Variants in GPC3 observed in about 807,000 individuals in gnomAD.
GPC3 encodes glypican-3.
A neutral mutation model predicts 34.4 loss-of-function variants in GPC3; 3 were observed. That is an observed-to-expected ratio of 0.09 (90% CI 0.04 to 0.23). GPC3 has a LOEUF of 0.23. Ranked by LOEUF, GPC3 falls within the 10% of genes least tolerant of loss-of-function variation. The pLI is 1.00. For missense variants in GPC3, 351 were observed against 445.6 expected (o/e 0.79, Z 1.91); for synonymous variants, 177 against 174.0 (o/e 1.02, Z -0.13).
chrX:133,736,570 AC>A (rs1244044587), intron 3 of GPC3, among the ~76,000 whole-genome samples: 1 of 112,623 alleles, frequency 8.9e-6, no homozygotes, highest in Non-Finnish European at 1.9e-5. Context: ...GATCCATGCT[AC>A]AATGTGACTG....
chrX:133,688,830 T>C (rs1407395318), intron 5 of GPC3, among the ~76,000 whole-genome samples: 2 of 111,810 alleles, frequency 1.8e-5, no homozygotes, highest in African/African-American at 6.5e-5. Context: ...GTTTTCACTA[T>C]AGATGAGACA....
chrX:133,715,644 C>T (rs990707467), intron 3 of GPC3, among the ~76,000 whole-genome samples: 4 of 111,023 alleles, frequency 3.6e-5, no homozygotes, highest in African/African-American at 1.3e-4. Context: ...GAGACATCTG[C>T]TGAACTCAAT....
intron 2 of GPC3, among the ~76,000 whole-genome samples, chrX:133,780,309 A>G (rs1325877604): frequency 8.9e-6 from 1 of 111,957 alleles, no homozygotes; most frequent in African/African-American, 3.2e-5. Context: ...TTTCCCTGCC[A>G]AAACTATTTC....
intron 3 of GPC3, among the ~76,000 whole-genome samples, chrX:133,725,637 TAAA>T (rs769555998): frequency 9.0e-6 from 1 of 111,707 alleles, no homozygotes; most frequent in Non-Finnish European, 1.9e-5. Context: ...GCAAGTGTGA[TAAA>T]AAATGAGTTA....
intron 2 of GPC3, among the ~76,000 whole-genome samples, chrX:133,769,514 T>G (rs1367417846): frequency 8.9e-6 from 1 of 112,143 alleles, no homozygotes; most frequent in Non-Finnish European, 1.9e-5. Flanking sequence ...TTCATCAAAT[T>G]GCACACATTA....
intron 6 of GPC3, among the ~76,000 whole-genome samples, chrX:133,624,071 C>G (rs966533606): frequency 9.9e-5 from 11 of 111,510 alleles, no homozygotes; most frequent in South Asian, 3.7e-4. Context: ...GGGTACATAA[C>G]GAAATGAAGG....
At chrX:133,951,047 A>AGTGT (rs373690687) in intron 2 of GPC3, among the ~76,000 whole-genome samples, 9,885 of 76,560 alleles carry the variant, frequency 0.13, 711 homozygotes, top group South Asian at 0.18. Flanking sequence ...AATTCAAGAA[A>AGTGT]GTGTGTGTGT....
intron 3 of GPC3, among the ~76,000 whole-genome samples, chrX:133,703,409 T>A (rs772941177): frequency 1.8e-5 from 2 of 109,979 alleles, no homozygotes; most frequent in South Asian, 7.8e-4. Flanking sequence ...GGGTTACAAG[T>A]CCTGAAACAT....
Position 133,728,796 on chromosome X carries a change from T to C in GPC3, c.1032+24686A>G, listed in dbSNP as rs1288087282. ...CTTGAAGGGCAATATGCTGAAAAGCTGTGCATTAGCTTTTCCACCAGTGAC... is the reference window on the plus strand; with the variant it reads ...CTTGAAGGGCAATATGCTGAAAAGCCGTGCATTAGCTTTTCCACCAGTGAC... On this transcript the variant is annotated intron_variant, in intron 3 of 7. Coordinates refer to ENST00000370818, the MANE Select transcript of GPC3 (RefSeq NM_004484.4). Among the ~76,000 whole-genome samples, 4 of 112,544 alleles carry C rather than the reference T, an allele frequency of 3.6e-5. No homozygotes were observed. The Admixed American group carries it at 3.8e-4, about 11-fold the overall frequency.
chrX:133,661,952 T>G, intron 5 of GPC3, 102 bp from the exon 6 acceptor site: 1 of 955,924 alleles, frequency 1.0e-6, no homozygotes, highest in Non-Finnish European at 1.5e-6. Flanking sequence ...CACAAGCTCA[T>G]GAGACGACCT....
intron 2 of GPC3, among the ~76,000 whole-genome samples, chrX:133,816,972 T>C (rs1343276111): frequency 8.9e-6 from 1 of 112,131 alleles, no homozygotes; most frequent in East Asian, 2.8e-4. Context: ...CAAAGGTGTA[T>C]CTTCAGGCTC....
At chrX:133,839,420 T>C (rs1387229142) in intron 2 of GPC3, among the ~76,000 whole-genome samples, 1 of 111,626 alleles carries the variant, frequency 9.0e-6, no homozygotes. Context: ...TCACAGTGTA[T>C]ACATATATCA....
chrX:133,830,452 G>GC (rs1278208391), intron 2 of GPC3, among the ~76,000 whole-genome samples: 1 of 111,145 alleles, frequency 9.0e-6, no homozygotes, highest in Non-Finnish European at 1.9e-5. Flanking sequence ...GCTGAGGCGG[G>GC]CAGACCACCT....
At chrX:133,704,640 C>T (rs2071198974) in intron 3 of GPC3, among the ~76,000 whole-genome samples, 2 of 109,834 alleles carry the variant, frequency 1.8e-5, no homozygotes, top group South Asian at 4.0e-4. Flanking sequence ...AAAGATGTTT[C>T]TTTCTTCTTG....
At chrX:133,751,950 G>T (rs1226131693) in intron 3 of GPC3, among the ~76,000 whole-genome samples, 2 of 111,467 alleles carry the variant, frequency 1.8e-5, no homozygotes, top group Non-Finnish European at 3.8e-5. Flanking sequence ...GTGCAGTCAC[G>T]TGATCATGGC....
At chrX:133,778,874 CACA>C (rs1301997290) in intron 2 of GPC3, among the ~76,000 whole-genome samples, 1 of 112,031 alleles carries the variant, frequency 8.9e-6, no homozygotes, top group Non-Finnish European at 1.9e-5. Flanking sequence ...TAGATTATCG[CACA>C]ACACTTGAAA....
At chrX:133,737,490 G>C (rs2071522771) in intron 3 of GPC3, among the ~76,000 whole-genome samples, 1 of 111,836 alleles carries the variant, frequency 8.9e-6, no homozygotes, top group Non-Finnish European at 1.9e-5. Context: ...TGTAATTTCT[G>C]CTCAATTTTG....
intron 2 of GPC3, among the ~76,000 whole-genome samples, chrX:133,802,284 T>C (rs1190761865): frequency 9.0e-6 from 1 of 111,281 alleles, no homozygotes; most frequent in African/African-American, 3.3e-5. Context: ...TGTATGCACA[T>C]TCACATATAC....
At chrX:133,968,605 CTGGCTCAATAAA>C (rs1420144227) in intron 1 of GPC3, among the ~76,000 whole-genome samples, 2 of 111,609 alleles carry the variant, frequency 1.8e-5, no homozygotes, top group African/African-American at 3.3e-5. Context: ...AGCACAGTGC[CTGGCTCAATAAA>C]TGTTAACGAT....
Sources: allele counts gnomAD v4.1 joint callset (sites outside exome capture counted in the v4.1 genomes callset), GRCh38; gene constraint gnomAD v4.1.1; transcripts MANE v1.5; gene names NCBI Gene and HGNC (gene_info 2026-07-23, HGNC 2026-07-21).